FGF14: variants seen among roughly 807,000 people sequenced by gnomAD.
FGF14 encodes the protein fibroblast growth factor homologous factor 4.
In FGF14, 5 loss-of-function variants were observed where a neutral mutation model predicts 25.5. That is an observed-to-expected ratio of 0.20 (90% CI 0.10 to 0.41). The LOEUF (loss-of-function observed/expected upper bound fraction) is 0.41, where lower values mean the gene tolerates loss of function less well. FGF14 is among the 10% of genes least tolerant of loss of function. The pLI is 1.00. For missense variants in FGF14, 222 were observed against 320.1 expected (o/e 0.69, Z 2.34); for synonymous variants, 138 against 118.3 (o/e 1.17, Z -1.08).
At chr13:102,199,620 G>C (rs970866512) in intron 1 of FGF14, among the ~76,000 whole-genome samples, 1 of 152,006 alleles carries the variant, frequency 6.6e-6, no homozygotes, top group African/African-American at 2.4e-5. Context: ...TTTCCCTTAG[G>C]CATTTTCTGT....
intron 1 of FGF14, among the ~76,000 whole-genome samples, chr13:102,157,458 T>C (rs1286518228): frequency 6.6e-6 from 1 of 152,170 alleles, no homozygotes; most frequent in African/African-American, 2.4e-5. Flanking sequence ...TAGCCATATG[T>C]AGAAAGCTGA....
intron 1 of FGF14, among the ~76,000 whole-genome samples, chr13:102,007,491 C>G (rs1047721551): frequency 6.6e-6 from 1 of 152,178 alleles, no homozygotes; most frequent in Non-Finnish European, 1.5e-5. Flanking sequence ...ACAATGAGCA[C>G]GTCTCTAGAC....
At chr13:101,752,099 G>A (rs1023032373) in intron 3 of FGF14, among the ~76,000 whole-genome samples, 1 of 152,034 alleles carries the variant, frequency 6.6e-6, no homozygotes, top group Non-Finnish European at 1.5e-5. Flanking sequence ...AGATTAAACA[G>A]CATTCTACAC....
chr13:102,159,003 G>A (rs1271584943), intron 1 of FGF14, among the ~76,000 whole-genome samples: 1 of 151,582 alleles, frequency 6.6e-6, no homozygotes, highest in Non-Finnish European at 1.5e-5. Context: ...GCCTGGTTAT[G>A]GTGGCATGCA....
At chr13:102,160,470 G>A (rs550720436) in intron 1 of FGF14, among the ~76,000 whole-genome samples, 5 of 152,160 alleles carry the variant, frequency 3.3e-5, no homozygotes, top group South Asian at 2.1e-4. Context: ...TCACACACCC[G>A]GCTCTCTGCC....
chr13:101,930,062 A>G (rs1203075259), intron 1 of FGF14, among the ~76,000 whole-genome samples: 1 of 152,222 alleles, frequency 6.6e-6, no homozygotes, highest in African/African-American at 2.4e-5. Flanking sequence ...ACTCGTTTTA[A>G]CGTGAGAGCT....
chr13:101,788,691 T>C (rs1441717674), intron 3 of FGF14, among the ~76,000 whole-genome samples: 1 of 151,530 alleles, frequency 6.6e-6, no homozygotes. Flanking sequence ...CAAAGTGTAT[T>C]TTCTATGCAA....
At chr13:101,948,191 G>C (rs2035931625) in intron 1 of FGF14, among the ~76,000 whole-genome samples, 1 of 152,112 alleles carries the variant, frequency 6.6e-6, no homozygotes, top group South Asian at 2.1e-4. Context: ...TCTTTGTAGG[G>C]CATATTATAT....
At chr13:102,316,383 A>AT (rs1250640948) in intron 1 of FGF14, among the ~76,000 whole-genome samples, 15 of 152,320 alleles carry the variant, frequency 9.8e-5, no homozygotes, top group African/African-American at 3.4e-4. Flanking sequence ...AGATATGTTA[A>AT]TTCGCTCGCC....
At chr13:102,099,894 A>C (rs2044579508) in intron 1 of FGF14, among the ~76,000 whole-genome samples, 1 of 152,170 alleles carries the variant, frequency 6.6e-6, no homozygotes, top group Non-Finnish European at 1.5e-5. Context: ...CATTCAGGGT[A>C]ATTCTTTTCC....
chr13:101,841,907 C>T (rs2140320500), intron 3 of FGF14, among the ~76,000 whole-genome samples: 1 of 152,072 alleles, frequency 6.6e-6, no homozygotes, highest in South Asian at 2.1e-4. Context: ...CTCACCTTTT[C>T]TGCACGTGAA....
At chr13:102,193,663 C>T (rs2049217512) in intron 1 of FGF14, among the ~76,000 whole-genome samples, 1 of 152,158 alleles carries the variant, frequency 6.6e-6, no homozygotes, top group African/African-American at 2.4e-5. Context: ...TAGTCATTAG[C>T]TGACAATTAT....
intron 3 of FGF14, among the ~76,000 whole-genome samples, chr13:101,775,293 G>T (rs1184248025): frequency 6.6e-6 from 1 of 152,120 alleles, no homozygotes; most frequent in Non-Finnish European, 1.5e-5. Flanking sequence ...GTTGTCAAAT[G>T]CATTAACCCA....
At chr13:102,226,285 A>G (rs1366181541) in intron 1 of FGF14, among the ~76,000 whole-genome samples, 1 of 152,164 alleles carries the variant, frequency 6.6e-6, no homozygotes, top group East Asian at 1.9e-4. Flanking sequence ...CTCCACTGAA[A>G]AATGAACTAA....
rs776507403 is a variant in FGF14 at position 101,908,219 on chromosome 13, T to C, written c.193+8234A>G. Among the ~76,000 whole-genome samples, 3 of 152,178 alleles carry C rather than the reference T, an allele frequency of 2.0e-5. No individual in the cohort carries two copies. The South Asian group carries it at 6.2e-4, about 31-fold the overall frequency. On this transcript the variant is annotated intron_variant, in intron 1 of 4. Coordinates refer to ENST00000376143, the MANE Select transcript of FGF14 (RefSeq NM_004115.4). ...AGTAGGACCAATGTGTCTGCGTATTTTTCTTCAGCCAAATTCAGCCTTGTA... is the reference window on the plus strand; with the variant it reads ...AGTAGGACCAATGTGTCTGCGTATTCTTCTTCAGCCAAATTCAGCCTTGTA...
At chr13:102,079,417 C>G (rs2043512798) in intron 1 of FGF14, among the ~76,000 whole-genome samples, 1 of 151,996 alleles carries the variant, frequency 6.6e-6, no homozygotes, top group African/African-American at 2.4e-5. Flanking sequence ...TTGATCTATT[C>G]AATAAATATG....
intron 1 of FGF14, among the ~76,000 whole-genome samples, chr13:102,148,029 T>G (rs1299781760): frequency 6.6e-6 from 1 of 151,880 alleles, no homozygotes; most frequent in African/African-American, 2.4e-5. Flanking sequence ...TAGCAAAATC[T>G]TTTTTTAATA....
chr13:101,981,137 A>G lies in FGF14; in HGVS notation c.209-105841T>C, dbSNP rs563246600. On this transcript the variant is annotated intron_variant, in intron 1 of 4. Transcript: ENST00000376131. ...CACACACACACACACACAATTAGCC[A>G]GGCATGGTGGCATGCACCTGTAATC... Among the ~76,000 whole-genome samples, 34 of 148,874 alleles carry G rather than the reference A, an allele frequency of 2.3e-4. No individual in the cohort carries two copies. The East Asian group carries it at 6.1e-3, about 27-fold the overall frequency.
chr13:101,965,938 T>C lies in FGF14; in HGVS notation c.209-90642A>G, dbSNP rs997524837. On this transcript the variant is annotated intron_variant, in intron 1 of 4. Transcript: ENST00000376131. ...AAAAATAATTGGTAATTTTATACTT[T>C]TATAAGAAGTCAGCCAGATGTATCC... Among the ~76,000 whole-genome samples, 32 of 152,156 alleles carry C rather than the reference T, an allele frequency of 2.1e-4. 1 individual carries two copies. Among genetic ancestry groups the C allele is most frequent in the Admixed American group, 2.0e-3 (31 of 15,284 alleles).
Sources: gnomAD v4.1 joint callset for allele counts (sites outside exome capture counted in the v4.1 genomes callset) on GRCh38, gnomAD v4.1.1 for gene constraint, MANE v1.5 for transcripts, NCBI Gene and HGNC (gene_info 2026-07-23, HGNC 2026-07-21) for gene names.